EDARADD: variants seen among roughly 807,000 people sequenced by gnomAD.
EDARADD encodes the protein ectodysplasin-A receptor-associated adapter protein.
A neutral mutation model predicts 25.6 loss-of-function variants in EDARADD; 20 were observed. That is an observed-to-expected ratio of 0.78 (90% confidence interval 0.55 to 1.14). EDARADD has a LOEUF of 1.14. Among genes scored for constraint, EDARADD ranks in the 50% most tolerant of loss-of-function variants. The probability of loss-of-function intolerance (pLI) is 0.00; values close to 1 mark genes in which losing one functional copy is unlikely to be tolerated. For missense variants in EDARADD, 225 were observed against 270.1 expected, an observed-to-expected ratio of 0.83 and a Z score of 1.17; for synonymous variants, 86 against 94.4, an observed-to-expected ratio of 0.91 and a Z score of 0.52.
upstream of EDARADD, among the ~76,000 whole-genome samples, chr1:236,389,442 G>A (rs1250222374): frequency 2.0e-5 from 3 of 152,126 alleles, no homozygotes; most frequent in African/African-American, 7.2e-5. Context: ...ACAATTCAAA[G>A]TAAACTGCAA....
At chr1:236,385,086 A>ATTCTTTTTTTTTTTT (rs1667336227) in intron 3 of EDARADD, among the ~76,000 whole-genome samples, 1 of 76,544 alleles carries the variant, frequency 1.3e-5, no homozygotes, top group African/African-American at 5.8e-5. Flanking sequence ...ATGCCTTTTG[A>ATTCTTTTTTTTTTTT]TTCTTTTTTT....
intron 4 of EDARADD, among the ~76,000 whole-genome samples, chr1:236,437,213 C>T (rs1658278161): frequency 6.6e-6 from 1 of 152,154 alleles, no homozygotes; most frequent in African/African-American, 2.4e-5. Flanking sequence ...ATAGAGAGGA[C>T]ACCTGATCGA....
chr1:236,482,527 G>A lies in EDARADD; in HGVS notation c.526G>A (p.Val176Met), dbSNP rs1429977206. The A allele has an allele frequency of 1.2e-6, 2 of 1,613,160 alleles. No individual in the cohort carries two copies. The highest frequency in any genetic ancestry group is 1.7e-4 in the Middle Eastern group (1 of 6,024). ...EFLLRNSQRT[V>M]GQLMELCRLY... ...CTTGCTCCGGAACAGTCAGAGGACG[G>A]TGGGCCAGCTGATGGAGCTCTGCAG... is the stretch of plus-strand genomic sequence containing the variant. The change falls in exon 6 of 6, where the codon GTG (valine) becomes ATG (methionine). Residue 176 changes from valine (V) to methionine (M), a missense_variant. Coordinates refer to ENST00000334232, the MANE Select transcript of EDARADD (RefSeq NM_145861.4).
At chr1:236,414,195 T>A (rs1657574490) in intron 2 of EDARADD, 65 bp from the exon 3 acceptor site, 1 of 1,410,006 alleles carries the variant, frequency 7.1e-7, no homozygotes, top group Non-Finnish European at 1.0e-6. Context: ...AAGACAAAGC[T>A]TTCTTTTCAC....
intron 1 of EDARADD, among the ~76,000 whole-genome samples, chr1:236,403,203 G>A (rs1289053231): frequency 3.3e-5 from 5 of 152,036 alleles, no homozygotes; most frequent in South Asian, 2.1e-4. Flanking sequence ...TGATCCACCC[G>A]CCTTGGCCTC....
chr1:236,466,375 T>A (rs1017337754), intron 4 of EDARADD, among the ~76,000 whole-genome samples: 1 of 151,924 alleles, frequency 6.6e-6, no homozygotes, highest in Non-Finnish European at 1.5e-5. Flanking sequence ...CTCACTATAA[T>A]TCTCTCTTTC....
intron 3 of EDARADD, among the ~76,000 whole-genome samples, chr1:236,420,806 G>C (rs927009061): frequency 2.0e-5 from 3 of 149,644 alleles, no homozygotes; most frequent in Admixed American, 6.8e-5. Flanking sequence ...CAGTGGCACG[G>C]TCTCGGCTCA....
In EDARADD at chr1:236,375,571, G is replaced by A. The variant is rs560819422; in HGVS notation, c.-6+24732G>A. Reference sequence around the variant, plus strand: ...CTTGGGAGGCTGAGGCAGGAGAATCGCTTGAACCCAGGAGGTGGAGGTTGA... The same window carrying A: ...CTTGGGAGGCTGAGGCAGGAGAATCACTTGAACCCAGGAGGTGGAGGTTGA... On this transcript the variant is annotated intron_variant, in intron 3 of 7. Transcript: ENST00000439430. 1.9e-4 allele frequency among the ~76,000 whole-genome samples: 28 copies of A among 145,016 alleles called. No homozygotes were observed. In the South Asian group the frequency reaches 2.4e-3, roughly 13 times the overall value.
chr1:236,415,635 G>A (rs1292368445), intron 3 of EDARADD, among the ~76,000 whole-genome samples: 1 of 152,120 alleles, frequency 6.6e-6, no homozygotes, highest in African/African-American at 2.4e-5. Flanking sequence ...AGTAGAGGCG[G>A]GGTTTCACCA....
At chr1:236,424,552 C>T (rs1323426684) in intron 3 of EDARADD, among the ~76,000 whole-genome samples, 1 of 152,106 alleles carries the variant, frequency 6.6e-6, no homozygotes, top group Non-Finnish European at 1.5e-5. Flanking sequence ...GGGCAGTCTT[C>T]TCTACTCTGC....
At chr1:236,447,170 C>CTTTCTTTCTTTCTTTCTT (rs1491458683) in intron 4 of EDARADD, among the ~76,000 whole-genome samples, 5 of 93,712 alleles carry the variant, frequency 5.3e-5, no homozygotes, top group African/African-American at 2.5e-4. Flanking sequence ...CCCTCCCTCC[C>CTTTCTTTCTTTCTTTCTT]TCTTTCTTTC....
rs554559463 is a variant in EDARADD, at chr1:236,363,163, TGGCCCAGA to T, written c.-6+12333_-6+12340del. On this transcript the variant is annotated intron_variant, in intron 3 of 7. Coordinates refer to the EDARADD transcript ENST00000439430. Reference sequence around the variant, plus strand: ...GATTACAGGCATGAACCACTACACCTGGCCCAGAGGCCCAGATCTATTTCTGACATCTC... The same window carrying T: ...GATTACAGGCATGAACCACTACACCTGGCCCAGATCTATTTCTGACATCTC... 6.2e-3 allele frequency among the ~76,000 whole-genome samples: 928 copies of T among 148,514 alleles called. 10 individuals are homozygous for T. The highest frequency in any genetic ancestry group is 0.021 in the African/African-American group (871 of 40,644).
chr1:236,368,162 C>T (rs1258486356), intron 3 of EDARADD, among the ~76,000 whole-genome samples: 2 of 152,056 alleles, frequency 1.3e-5, no homozygotes, highest in Admixed American at 1.3e-4. Flanking sequence ...ATTGGGAATC[C>T]AGTCAAAATT....
Position 236,442,373 on chromosome 1 carries a change from G to A in EDARADD, c.219+14923G>A, listed in dbSNP as rs561847791. 1.6e-3 allele frequency among the ~76,000 whole-genome samples: 242 copies of A among 152,150 alleles called. 2 individuals are homozygous for A. The highest frequency in any genetic ancestry group is 5.4e-3 in the African/African-American group (225 of 41,504). On this transcript the variant is annotated intron_variant, in intron 4 of 5. Transcript: ENST00000334232. ...ACTCCTAACCTCAAGTGATCCTCCC[G>A]CCTTGGCCTCCCAAAGTGCTGGGAT...
intron 5 of EDARADD, among the ~76,000 whole-genome samples, chr1:236,478,904 A>G (rs1445336651): frequency 6.6e-6 from 1 of 152,082 alleles, no homozygotes; most frequent in Non-Finnish European, 1.5e-5. Flanking sequence ...ATTCTAAGTG[A>G]AGTAACTCAG....
At chr1:236,417,601 C>G (rs1201176962) in intron 3 of EDARADD, among the ~76,000 whole-genome samples, 1 of 152,100 alleles carries the variant, frequency 6.6e-6, no homozygotes, top group Admixed American at 6.6e-5. Flanking sequence ...GTTTGGGGCT[C>G]TTTTCTGATG....
chr1:236,363,234 GTTTGT>G (rs1667076546), intron 3 of EDARADD, among the ~76,000 whole-genome samples: 1 of 151,096 alleles, frequency 6.6e-6, no homozygotes, highest in African/African-American at 2.4e-5. Context: ...ATTTTTGTTT[GTTTGT>G]TTTATCATCT....
intron 1 of EDARADD, among the ~76,000 whole-genome samples, chr1:236,404,671 C>T (rs568324475): frequency 9.2e-5 from 14 of 152,260 alleles, no homozygotes; most frequent in East Asian, 5.8e-4. Flanking sequence ...GGCATGGTGA[C>T]GCATGTCTGT....
chr1:236,406,739 C>T (rs536951255), intron 1 of EDARADD, among the ~76,000 whole-genome samples: 4 of 152,292 alleles, frequency 2.6e-5, no homozygotes, highest in East Asian at 1.9e-4. Flanking sequence ...GCTTTTCCCT[C>T]GCTACCATGT....
Sources: gnomAD v4.1 joint callset for allele counts (sites outside exome capture counted in the v4.1 genomes callset) on GRCh38, gnomAD v4.1.1 for gene constraint, MANE v1.5 for transcripts, NCBI Gene and HGNC (gene_info 2026-07-23, HGNC 2026-07-21) for gene names.